The following SYNE1 variants were observed in gnomAD, a reference collection of about 807,000 sequenced individuals.
The protein encoded by SYNE1 is spectrin repeat containing nuclear envelope protein 1.
In SYNE1, 616 loss-of-function variants were observed where a neutral mutation model predicts 1,111.0. The observed-to-expected ratio is 0.55, with a 90% CI of 0.52 to 0.59. The LOEUF (loss-of-function observed/expected upper bound fraction) is 0.59. SYNE1 is among the 20% of genes least tolerant of loss of function. The pLI is 0.00. For missense variants in SYNE1, 10,006 were observed against 10,417.0 expected, an observed-to-expected ratio of 0.96 and a Z score of 1.72; for synonymous variants, 3,855 against 3,825.8, an observed-to-expected ratio of 1.01 and a Z score of -0.28.
At chr6:152,450,601 C>T (rs1340326627) in intron 27 of SYNE1, 24 bp downstream of exon 27, 3 of 1,603,120 alleles carry the variant, frequency 1.9e-6, no homozygotes, top group Non-Finnish European at 2.6e-6. Flanking sequence ...CTACACCCCT[C>T]TCTGGAGGCC....
Position 152,206,161 on chromosome 6 carries a change from A to T in SYNE1, c.23019+7T>A, listed in dbSNP as rs890708225. 1 of 1,613,078 alleles carries T rather than the reference A, an allele frequency of 6.2e-7. No individual in the cohort carries two copies. The highest frequency in any genetic ancestry group is 8.5e-7 in the Non-Finnish European group (1 of 1,179,966). On this transcript the variant is annotated splice_region_variant and intron_variant, in intron 126 of 145. Coordinates refer to ENST00000367255, the MANE Select transcript of SYNE1 (RefSeq NM_182961.4). The stretch of plus-strand genomic sequence containing the variant: ...TTTTTGGTTCGTTTTTTTCTAACTG[A>T]ACTTACTTTCAACAAGAAGGCTAGT...
At chr6:152,621,967 T>A (rs1332311287) in intron 3 of SYNE1, among the ~76,000 whole-genome samples, 1 of 152,200 alleles carries the variant, frequency 6.6e-6, no homozygotes, top group Non-Finnish European at 1.5e-5. Context: ...TAGGACCCAA[T>A]GTAATTGATT....
rs561859976 is a variant in SYNE1, at chr6:152,613,332, A to C, written c.67+14933T>G. Among the ~76,000 whole-genome samples the C allele has an allele frequency of 3.9e-5, 6 of 152,364 alleles. 1 individual carries two copies. Among genetic ancestry groups the C allele is most frequent in the African/African-American group, 1.4e-4 (6 of 41,594 alleles). ...ATTACAAAATCAATGTGCAAAAGTC[A>C]CAAGCATTCCTATAAACCAACAACA... On this transcript the variant is annotated intron_variant, in intron 3 of 145. Transcript: ENST00000367255.
At chr6:152,198,011 A>AGGAGG (rs1003377638) in intron 127 of SYNE1, among the ~76,000 whole-genome samples, 13 of 139,976 alleles carry the variant, frequency 9.3e-5, no homozygotes, top group Non-Finnish European at 2.0e-4. Context: ...GGAAGGGGAG[A>AGGAGG]GGAGGGGAGG....
In SYNE1 at chr6:152,232,169, T is replaced by C. The variant is rs2082925564; in HGVS notation, c.20809A>G (p.Ile6937Val). The C allele has an allele frequency of 6.2e-7, 1 of 1,608,800 alleles. No homozygotes were observed. The highest frequency in any genetic ancestry group is 1.1e-5 in the South Asian group (1 of 90,970). ...ENVIQKDEDN[I>V]KNSIGYKAIH... The stretch of plus-strand genomic sequence containing the variant: ...GCCTTGTAACCTATGGAATTTTTAA[T>C]ATTATCTTCATCCTTCTGAATAACA... The change falls in exon 113 of 146, where the codon ATT becomes GTT. Residue 6937 changes from isoleucine to valine, a missense_variant. By Grantham distance (29) the Ile-to-Val change is conservative. Coordinates refer to ENST00000367255, the MANE Select transcript of SYNE1 (RefSeq NM_182961.4).
At chr6:152,540,319 T>C (rs1463413780) in intron 3 of SYNE1, among the ~76,000 whole-genome samples, 1 of 152,182 alleles carries the variant, frequency 6.6e-6, no homozygotes, top group Non-Finnish European at 1.5e-5. Flanking sequence ...CTGTTAAAAA[T>C]GAAAATTCAC....
intron 21 of SYNE1, among the ~76,000 whole-genome samples, chr6:152,461,097 C>T (rs1194213830): frequency 1.3e-5 from 2 of 152,126 alleles, no homozygotes; most frequent in South Asian, 2.1e-4. Context: ...AGGCGTGAGC[C>T]ACTGCACCTG....
Position 152,293,657 on chromosome 6 carries a change from G to C in SYNE1, c.17943C>G (p.Ala5981=). The change falls in exon 95 of 146, where the codon GCC becomes GCG. Residue 5981 remains alanine, a synonymous_variant. Transcript: ENST00000367255. ...SLQSISTKME[A]IELKLSESPE... ...GGCTCTCACTGAGTTTCAGCTCAAT[G>C]GCCTCCATCTTCGTAGAGATGGACT... 3 of 1,614,090 alleles carry C rather than the reference G, an allele frequency of 1.9e-6. No individual in the cohort carries two copies. The highest frequency in any genetic ancestry group is 2.5e-6 in the Non-Finnish European group (3 of 1,180,014).
chr6:152,537,140 G>A (rs1017606967), intron 4 of SYNE1, among the ~76,000 whole-genome samples: 4 of 151,926 alleles, frequency 2.6e-5, no homozygotes, highest in African/African-American at 9.7e-5. Context: ...AAAATTATAG[G>A]TTCAATGTCT....
intron 108 of SYNE1, among the ~76,000 whole-genome samples, 170 bp downstream of exon 108, chr6:152,239,361 CAG>C: frequency 1.3e-5 from 2 of 152,258 alleles, no homozygotes; most frequent in South Asian, 4.1e-4. Flanking sequence ...ACAGAAAACA[CAG>C]GGGGAATAAG....
chr6:152,453,875 A>G (rs1284426913), intron 24 of SYNE1, among the ~76,000 whole-genome samples, 155 bp from the exon 25 acceptor site: 1 of 152,186 alleles, frequency 6.6e-6, no homozygotes, highest in African/African-American at 2.4e-5. Context: ...AGGATGAACT[A>G]TGTGCACCTA....
intron 54 of SYNE1, among the ~76,000 whole-genome samples, chr6:152,386,092 TG>T: frequency 6.6e-6 from 1 of 152,348 alleles, no homozygotes; most frequent in African/African-American, 2.4e-5. Flanking sequence ...TAATTCATGT[TG>T]GCTAACATCC....
chr6:152,425,117 A>C (rs1172800050), intron 39 of SYNE1, among the ~76,000 whole-genome samples: 4 of 152,232 alleles, frequency 2.6e-5, no homozygotes, highest in Non-Finnish European at 5.9e-5. Context: ...TAATACATAC[A>C]TTAGCAATCC....
At chr6:152,228,963 T>C (rs1202991488) in intron 115 of SYNE1, among the ~76,000 whole-genome samples, 1 of 152,220 alleles carries the variant, frequency 6.6e-6, no homozygotes, top group African/African-American at 2.4e-5. Flanking sequence ...AGGTATTCTC[T>C]ATACGATGTT....
At chr6:152,222,580 T>G (rs897151069) in intron 117 of SYNE1, among the ~76,000 whole-genome samples, 8 of 152,260 alleles carry the variant, frequency 5.3e-5, no homozygotes, top group Non-Finnish European at 1.2e-4. Context: ...TGTAGGGTAC[T>G]ATATGATGTT....
intron 3 of SYNE1, among the ~76,000 whole-genome samples, chr6:152,627,460 C>T (rs1381990117): frequency 6.8e-6 from 1 of 146,420 alleles, no homozygotes; most frequent in Non-Finnish European, 1.5e-5. Flanking sequence ...TGAGGCCAGC[C>T]GGGTCAACAT....
chr6:152,451,468 ATTTTTTTTTTT>A (rs145882121), intron 25 of SYNE1, among the ~76,000 whole-genome samples: 73 of 49,840 alleles, frequency 1.5e-3, no homozygotes, highest in South Asian at 2.6e-3. Flanking sequence ...CCTGCACCGT[ATTTTTTTTTTT>A]TTTTTTTTTT....
chr6:152,463,888 G>A (rs1001458649), intron 18 of SYNE1, among the ~76,000 whole-genome samples: 1 of 152,140 alleles, frequency 6.6e-6, no homozygotes, highest in East Asian at 1.9e-4. Context: ...TAATACATTA[G>A]GGAAATATAT....
chr6:152,303,889 A>G (rs2095285318), intron 91 of SYNE1, among the ~76,000 whole-genome samples: 4 of 149,316 alleles, frequency 2.7e-5, no homozygotes, highest in African/African-American at 9.9e-5. Context: ...TGTATGCAAA[A>G]CACGTGTGCA....
Sources: gnomAD v4.1 joint callset for allele counts (sites outside exome capture counted in the v4.1 genomes callset) on GRCh38, gnomAD v4.1.1 for gene constraint, MANE v1.5 for transcripts, NCBI Gene and HGNC (gene_info 2026-07-23, HGNC 2026-07-21) for gene names.